Variants in PRDM16 observed in about 807,000 individuals in gnomAD.
PRDM16 encodes the protein histone-lysine N-methyltransferase PRDM16.
PRDM16 carries 23 observed loss-of-function variants against 110.6 expected under a neutral mutation model. The ratio of observed to expected loss-of-function variants is 0.21; its 90% CI spans 0.15 to 0.29. The LOEUF (loss-of-function observed/expected upper bound fraction) is 0.29, where lower values mean the gene tolerates loss of function less well. Ranked by LOEUF, PRDM16 falls within the 10% of genes least tolerant of loss-of-function variation. The pLI is 1.00. For missense variants in PRDM16, 1,615 were observed against 1,794.3 expected (o/e 0.90, Z 1.81); for synonymous variants, 799 against 781.8 (o/e 1.02, Z -0.37).
chr1:3,330,366 G>T (rs1557613894), intron 3 of PRDM16, among the ~76,000 whole-genome samples: 1 of 152,324 alleles, frequency 6.6e-6, no homozygotes, highest in East Asian at 1.9e-4. Flanking sequence ...ATTGTCACTT[G>T]GCAAGGCGTC....
At position 3,186,435 on chromosome 1, in the gene PRDM16, G is replaced by T; in HGVS notation, c.348G>T (p.Val116=). The T allele has an allele frequency of 6.4e-7, 1 of 1,559,126 alleles. No homozygotes were observed. Among genetic ancestry groups the T allele is most frequent in the Non-Finnish European group, 8.7e-7 (1 of 1,154,014 alleles). The change falls in exon 2 of 17, where the codon GTG becomes GTT. Residue 116 remains valine (V), a synonymous_variant. Coordinates refer to ENST00000270722, the MANE Select transcript of PRDM16 (RefSeq NM_022114.4). The stretch of plus-strand genomic sequence containing the variant: ...AGAGGCTGGGCCCCTGCGTGGTGGT[G>T]CCCCGGGCGGCGGCAAAGGAGACAG... ...AGERLGPCVV[V]PRAAAKETDF...
chr1:3,231,454 C>A (rs956410227), intron 2 of PRDM16, among the ~76,000 whole-genome samples: 1 of 152,278 alleles, frequency 6.6e-6, no homozygotes, highest in Non-Finnish European at 1.5e-5. Context: ...CCCCCTGGGG[C>A]ATCTGCCTCC....
intron 1 of PRDM16, among the ~76,000 whole-genome samples, chr1:3,181,987 A>T (rs1346569134): frequency 6.6e-6 from 1 of 152,194 alleles, no homozygotes; most frequent in Non-Finnish European, 1.5e-5. Context: ...TCACATGCTT[A>T]CACATGCAGT....
intron 3 of PRDM16, among the ~76,000 whole-genome samples, chr1:3,275,935 C>G (rs1224994391): frequency 6.6e-6 from 1 of 152,250 alleles, no homozygotes; most frequent in African/African-American, 2.4e-5. Context: ...TTCCCTTTCT[C>G]TGTGACCCAG....
rs1239281386 is a variant in PRDM16 at position 3,186,161 on chromosome 1, A to G, written c.74A>G (p.Asn25Ser). Residue 25 changes from asparagine to serine, a missense_variant, in exon 2 of 17, where the codon AAC (asparagine) becomes AGC (serine). Asn to Ser is a conservative substitution (Grantham distance 46). This residue lies in a region of PRDM16 where 416 missense variants were observed against 467.1 expected (regional missense o/e 0.89). Transcript: ENST00000270722. ...GDVVNNMYEP[N>S]RDLLASHSAE... is the part of the protein sequence containing the mutation. Reference sequence around the variant, plus strand: ...GTTGTAAATAATATGTATGAGCCCAACCGGGACCTGCTGGCCAGCCACAGC... The same window carrying G: ...GTTGTAAATAATATGTATGAGCCCAGCCGGGACCTGCTGGCCAGCCACAGC... 11 of 1,612,772 alleles carry G rather than the reference A, an allele frequency of 6.8e-6. No homozygotes were observed. Among genetic ancestry groups the G allele is most frequent in the East Asian group, 2.2e-5 (1 of 44,870 alleles).
At chr1:3,317,429 A>G (rs1370160367) in intron 3 of PRDM16, among the ~76,000 whole-genome samples, 1 of 152,196 alleles carries the variant, frequency 6.6e-6, no homozygotes, top group Non-Finnish European at 1.5e-5. Context: ...TGGCTTCCTC[A>G]CTAAGCAGGA....
intron 1 of PRDM16, among the ~76,000 whole-genome samples, chr1:3,147,171 CGT>C (rs1174593949): frequency 2.8e-5 from 4 of 140,594 alleles, no homozygotes; most frequent in African/African-American, 1.1e-4. Flanking sequence ...TGTGCACGCA[CGT>C]GTGTGCTCGG....
At chr1:3,361,378 G>A (rs1364261835) in intron 3 of PRDM16, among the ~76,000 whole-genome samples, 5 of 152,214 alleles carry the variant, frequency 3.3e-5, no homozygotes, top group African/African-American at 4.8e-5. Flanking sequence ...ACCCTCCACC[G>A]ATGTCTGGGC....
At chr1:3,185,330 A>G (rs768840088) in intron 1 of PRDM16, among the ~76,000 whole-genome samples, 2 of 152,138 alleles carry the variant, frequency 1.3e-5, no homozygotes, top group Admixed American at 1.3e-4. Flanking sequence ...CTGGGGCCCC[A>G]TGAGTCCGAT....
rs1557480350 is a variant in PRDM16 at position 3,143,788 on chromosome 1, T to C, written c.38-42337T>C. ...CACCGCGTCCGGCTTATTCTTTTTT[T>C]CTAAATAGTGAGGCCCAGAGTGCAG... On this transcript the variant is annotated intron_variant, in intron 1 of 16. Transcript: ENST00000270722. This position sits in a 1 kb window ranked among gnomAD's most constrained non-coding sequence, Gnocchi z 4.5. Among the ~76,000 whole-genome samples the C allele has an allele frequency of 6.6e-6, 1 of 152,178 alleles. No individual in the cohort carries two copies.
chr1:3,280,080 C>T (rs1206183314), intron 3 of PRDM16, among the ~76,000 whole-genome samples: 1 of 151,656 alleles, frequency 6.6e-6, no homozygotes. Context: ...ATAAGAAAGT[C>T]AGAATTATCC....
chr1:3,425,793 G>A lies in PRDM16; in HGVS notation c.3109+43G>A. On this transcript the variant is annotated intron_variant, in intron 13 of 16. Coordinates refer to ENST00000270722, the MANE Select transcript of PRDM16 (RefSeq NM_022114.4). This position sits in a 1 kb window ranked among gnomAD's most constrained non-coding sequence, Gnocchi z 6.9. ...GGGCAGCCCCCAGAGCACCCACACG[G>A]GCAGGCCCCACAGAGGGGGAGGGGG... 1 of 1,608,560 alleles carries A rather than the reference G, an allele frequency of 6.2e-7. No homozygotes were observed. Among genetic ancestry groups the A allele is most frequent in the East Asian group, 2.2e-5 (1 of 44,808 alleles).
chr1:3,181,538 A>G (rs1372547933), intron 1 of PRDM16, among the ~76,000 whole-genome samples: 1 of 50,898 alleles, frequency 2.0e-5, no homozygotes, highest in African/African-American at 7.3e-5. Flanking sequence ...GGTCTTACAC[A>G]CGGTCTTACA....
At chr1:3,336,444 G>A (rs1642152449) in intron 3 of PRDM16, among the ~76,000 whole-genome samples, 1 of 152,128 alleles carries the variant, frequency 6.6e-6, no homozygotes, top group Non-Finnish European at 1.5e-5. Flanking sequence ...ATGCACATGT[G>A]TGTTGGAGTG....
intron 4 of PRDM16, among the ~76,000 whole-genome samples, chr1:3,395,609 C>T (rs753093746): frequency 6.6e-6 from 1 of 152,202 alleles, no homozygotes; most frequent in East Asian, 1.9e-4. Context: ...ACTCCCGGAC[C>T]GAAGACACAG....
chr1:3,091,854 C>T (rs1213162055), intron 1 of PRDM16, among the ~76,000 whole-genome samples: 1 of 152,206 alleles, frequency 6.6e-6, no homozygotes, highest in East Asian at 1.9e-4. Flanking sequence ...AAGGGCCTGT[C>T]CCCAGAGGGC....
intron 3 of PRDM16, among the ~76,000 whole-genome samples, chr1:3,356,197 A>T (rs1457815977): frequency 6.6e-6 from 1 of 152,222 alleles, no homozygotes; most frequent in Non-Finnish European, 1.5e-5. Context: ...ACGCGGGCAC[A>T]GATGAATCAC....
chr1:3,273,149 G>GGGC (rs1370877707), intron 3 of PRDM16, among the ~76,000 whole-genome samples: 1 of 152,166 alleles, frequency 6.6e-6, no homozygotes, highest in African/African-American at 2.4e-5. Flanking sequence ...TGGGGAGCAG[G>GGGC]AGCAGGGATG....
chr1:3,165,331 G>A (rs145504915), intron 1 of PRDM16, among the ~76,000 whole-genome samples: 117 of 150,050 alleles, frequency 7.8e-4, no homozygotes, highest in African/African-American at 2.6e-3. Context: ...TTGGCCTCAG[G>A]GGCATGGACT....
Sources: allele counts gnomAD v4.1 joint callset (sites outside exome capture counted in the v4.1 genomes callset), GRCh38; gene constraint gnomAD v4.1.1; regional missense constraint gnomAD v4.1.1; non-coding constraint Gnocchi (gnomAD v3.1); transcripts MANE v1.5; gene names NCBI Gene and HGNC (gene_info 2026-07-23, HGNC 2026-07-21).